Variants in ADAMTSL1 observed in about 807,000 individuals in gnomAD.
ADAMTSL1 encodes ADAMTS-like protein 1.
A neutral mutation model predicts 201.8 loss-of-function variants in ADAMTSL1; 126 were observed. The ratio of observed to expected loss-of-function variants is 0.62; its 90% CI spans 0.54 to 0.72. The LOEUF is 0.72. Among genes scored for constraint, ADAMTSL1 ranks in the 30% least tolerant of loss-of-function variants. The pLI is 0.00. For synonymous variants in ADAMTSL1, 1,121 were observed against 903.4 expected (o/e 1.24, Z -4.32); for missense variants, 2,679 against 2,277.8 (o/e 1.18, Z -3.59).
At chr9:18,866,792 T>C (rs1353086910) in intron 23 of ADAMTSL1, among the ~76,000 whole-genome samples, 1 of 152,182 alleles carries the variant, frequency 6.6e-6, no homozygotes, top group Admixed American at 6.5e-5. Flanking sequence ...CAAGTAACGG[T>C]CCAGAGGAAG....
intron 1 of ADAMTSL1, among the ~76,000 whole-genome samples, chr9:18,122,317 C>G (rs1226807517): frequency 6.6e-6 from 1 of 152,176 alleles, no homozygotes; most frequent in Non-Finnish European, 1.5e-5. Context: ...CCTGGAGAGC[C>G]TCTGCAACAG....
At chr9:18,401,837 C>G (rs1300928165) in intron 2 of ADAMTSL1, among the ~76,000 whole-genome samples, 1 of 152,134 alleles carries the variant, frequency 6.6e-6, no homozygotes, top group Non-Finnish European at 1.5e-5. Flanking sequence ...GATATGCTTC[C>G]CCTTAATGGA....
intron 5 of ADAMTSL1, among the ~76,000 whole-genome samples, chr9:18,625,996 G>A (rs375948130): frequency 9.2e-5 from 14 of 152,252 alleles, no homozygotes; most frequent in South Asian, 2.1e-4. Flanking sequence ...GGTAAAGTAC[G>A]CTTATAATAA....
chr9:18,310,107 A>G (rs983855907), intron 2 of ADAMTSL1, among the ~76,000 whole-genome samples: 1 of 152,094 alleles, frequency 6.6e-6, no homozygotes, highest in Admixed American at 6.5e-5. Context: ...TATTTAATCA[A>G]TGGTGTTAGG....
intron 2 of ADAMTSL1, among the ~76,000 whole-genome samples, chr9:18,515,276 T>C (rs1818295364): frequency 6.6e-6 from 1 of 152,078 alleles, no homozygotes; most frequent in Non-Finnish European, 1.5e-5. Context: ...AATGATGAGG[T>C]TTATCTCTAG....
chr9:18,071,994 T>C (rs1027997743), intron 1 of ADAMTSL1, among the ~76,000 whole-genome samples: 1 of 152,202 alleles, frequency 6.6e-6, no homozygotes, highest in Non-Finnish European at 1.5e-5. Flanking sequence ...TCCAAGCTCT[T>C]GACAGTGCCA....
At chr9:18,574,391 A>C (rs1822568834) in intron 4 of ADAMTSL1, 125 bp downstream of exon 4, 1 of 915,302 alleles carries the variant, frequency 1.1e-6, no homozygotes, top group African/African-American at 1.6e-5. Context: ...TAAATGGTGA[A>C]AGATTTGAAA....
At chr9:18,091,027 A>G (rs546130685) in intron 1 of ADAMTSL1, among the ~76,000 whole-genome samples, 2 of 151,650 alleles carry the variant, frequency 1.3e-5, no homozygotes, top group Admixed American at 6.6e-5. Flanking sequence ...CTCCAACTTG[A>G]AAGAATCTTT....
At chr9:18,223,581 C>T (rs564471417) in intron 2 of ADAMTSL1, among the ~76,000 whole-genome samples, 2 of 152,040 alleles carry the variant, frequency 1.3e-5, no homozygotes, top group African/African-American at 4.8e-5. Context: ...CTTTTCATCT[C>T]TAGAAATTCA....
chr9:18,010,526 C>T (rs923114796), intron 1 of ADAMTSL1, among the ~76,000 whole-genome samples: 15 of 151,968 alleles, frequency 9.9e-5, no homozygotes, highest in African/African-American at 3.6e-4. Flanking sequence ...TAATTGTGAA[C>T]TAGAGTGAGT....
At chr9:18,657,973 C>CTT (rs33924965) in intron 8 of ADAMTSL1, among the ~76,000 whole-genome samples, 45 of 126,334 alleles carry the variant, frequency 3.6e-4, no homozygotes, top group African/African-American at 1.1e-3. Flanking sequence ...AGGAAACAGT[C>CTT]TTTTTTTTTT....
intron 25 of ADAMTSL1, among the ~76,000 whole-genome samples, chr9:18,892,181 C>T (rs894769226): frequency 6.6e-6 from 1 of 152,256 alleles, no homozygotes; most frequent in African/African-American, 2.4e-5. Flanking sequence ...AACCTTGCCA[C>T]ATAGCATTCA....
intron 2 of ADAMTSL1, among the ~76,000 whole-genome samples, chr9:18,296,461 G>T (rs1456103155): frequency 6.6e-6 from 1 of 152,056 alleles, no homozygotes; most frequent in Non-Finnish European, 1.5e-5. Flanking sequence ...GAGGTTAATT[G>T]TCATGATGGC....
intron 2 of ADAMTSL1, among the ~76,000 whole-genome samples, chr9:18,283,279 C>T (rs1457222863): frequency 6.6e-6 from 1 of 152,092 alleles, no homozygotes; most frequent in Non-Finnish European, 1.5e-5. Context: ...TGCTCATCCT[C>T]TGCGTGATGT....
chr9:18,718,105 A>C (rs1197959976), intron 14 of ADAMTSL1: 14 of 1,272,768 alleles, frequency 1.1e-5, no homozygotes, highest in Non-Finnish European at 1.5e-5. Flanking sequence ...CTAAGAATGC[A>C]CAGTTGTTCC....
intron 2 of ADAMTSL1, among the ~76,000 whole-genome samples, chr9:18,511,908 T>C (rs1301398211): frequency 6.6e-6 from 1 of 152,176 alleles, no homozygotes; most frequent in African/African-American, 2.4e-5. Context: ...TCACAGGACT[T>C]GTTTTAAGAG....
At chr9:18,150,693 T>A in intron 1 of ADAMTSL1, among the ~76,000 whole-genome samples, 1 of 150,238 alleles carries the variant, frequency 6.7e-6, no homozygotes, top group African/African-American at 2.5e-5. Flanking sequence ...AGGGAAAGAG[T>A]GACAATATAG....
intron 7 of ADAMTSL1, among the ~76,000 whole-genome samples, chr9:18,646,491 G>C (rs946934230): frequency 2.7e-5 from 4 of 150,786 alleles, no homozygotes; most frequent in African/African-American, 4.9e-5. Context: ...AATGCTCCCA[G>C]TTTTTGCCCA....
At chr9:18,260,424 G>A (rs998628943) in intron 2 of ADAMTSL1, among the ~76,000 whole-genome samples, 9 of 152,126 alleles carry the variant, frequency 5.9e-5, no homozygotes, top group Non-Finnish European at 1.0e-4. Flanking sequence ...TGACTGTCTC[G>A]GCTTTCAGCA....
Sources: allele counts gnomAD v4.1 joint callset (sites outside exome capture counted in the v4.1 genomes callset), GRCh38; gene constraint gnomAD v4.1.1; transcripts MANE v1.5; gene names NCBI Gene and HGNC (gene_info 2026-07-23, HGNC 2026-07-21).